IL17RD: variants seen among roughly 807,000 people sequenced by gnomAD.
IL17RD encodes the protein interleukin-17 receptor D.
IL17RD carries 52 observed loss-of-function variants against 80.5 expected under a neutral mutation model. The ratio of observed to expected loss-of-function variants is 0.65; its 90% CI spans 0.52 to 0.81. The LOEUF (loss-of-function observed/expected upper bound fraction) is 0.81. IL17RD is among the 40% of genes least tolerant of loss of function. IL17RD has a pLI of 0.00. For missense variants in IL17RD, 1,024 were observed against 955.1 expected (o/e 1.07, Z -0.95); for synonymous variants, 416 against 391.8 (o/e 1.06, Z -0.73).
chr3:57,144,493 T>C (rs1405110894), intron 1 of IL17RD, among the ~76,000 whole-genome samples: 3 of 152,206 alleles, frequency 2.0e-5, no homozygotes, highest in Non-Finnish European at 4.4e-5. Context: ...CTTATCTCTG[T>C]TTTTATCTTC....
chr3:57,101,044 C>A, intron 11 of IL17RD, 135 bp downstream of exon 11: 1 of 634,536 alleles, frequency 1.6e-6, no homozygotes. Flanking sequence ...GAGACTATCC[C>A]CAGTTTGAAA....
rs146836402 is a variant in IL17RD at position 57,140,785 on chromosome 3, G to T, written c.127-20472C>A. 2.6e-5 allele frequency among the ~76,000 whole-genome samples: 4 copies of T among 152,214 alleles called. No homozygotes were observed. The East Asian group carries it at 7.7e-4, about 29-fold the overall frequency. ...AATTTATTTCCAGACACCCAGAACA[G>T]GTCTAGGGAAAGTAATATTCTAGGA... On this transcript the variant is annotated intron_variant, in intron 1 of 12. Coordinates refer to ENST00000296318, the MANE Select transcript of IL17RD (RefSeq NM_017563.5).
chr3:57,101,580 T>C (rs976631320), intron 10 of IL17RD, among the ~76,000 whole-genome samples: 6 of 152,200 alleles, frequency 3.9e-5, no homozygotes, highest in African/African-American at 1.4e-4. Flanking sequence ...TTACCTGAAA[T>C]TGATCTTGGA....
chr3:57,165,295 G>C lies in IL17RD; in HGVS notation c.-9C>G. On this transcript the variant is annotated 5_prime_UTR_variant, in exon 1 of 13. Transcript: ENST00000296318. ...TGCAGCCACGGGGCCATGGCCGTGCGCTCGCCCAGCCAGGCCGTTCTCTGC... is the reference window on the plus strand; with the variant it reads ...TGCAGCCACGGGGCCATGGCCGTGCCCTCGCCCAGCCAGGCCGTTCTCTGC... 2 of 1,449,168 alleles carry C rather than the reference G, an allele frequency of 1.4e-6. No homozygotes were observed. Among genetic ancestry groups the C allele is most frequent in the South Asian group, 1.4e-5 (1 of 72,426 alleles). The allele number at this position is 1,449,168 out of a possible 1,614,324, so 89.8% of individuals were successfully genotyped here.
intron 1 of IL17RD, among the ~76,000 whole-genome samples, chr3:57,164,571 G>A (rs147551104): frequency 6.6e-6 from 1 of 152,354 alleles, no homozygotes; most frequent in East Asian, 1.9e-4. Flanking sequence ...GCTGAACCGG[G>A]AGGCGAAGTT....
At chr3:57,108,208 T>C (rs902454527) in intron 5 of IL17RD, among the ~76,000 whole-genome samples, 1 of 151,770 alleles carries the variant, frequency 6.6e-6, no homozygotes, top group Admixed American at 6.6e-5. Context: ...TACAGGCACA[T>C]GCCACCACAC....
chr3:57,135,505 T>C (rs1458005627), intron 1 of IL17RD, among the ~76,000 whole-genome samples: 4 of 152,190 alleles, frequency 2.6e-5, no homozygotes, highest in African/African-American at 9.6e-5. Context: ...TAAAATTAAG[T>C]ACAAAGAAGA....
chr3:57,108,967 G>T (rs1198093131), intron 5 of IL17RD, among the ~76,000 whole-genome samples: 1 of 151,552 alleles, frequency 6.6e-6, no homozygotes, highest in Admixed American at 6.6e-5. Flanking sequence ...TCTTAGCGGT[G>T]GTCACAGCAC....
chr3:57,152,217 G>A (rs1235513886), intron 1 of IL17RD, among the ~76,000 whole-genome samples: 1 of 152,006 alleles, frequency 6.6e-6, no homozygotes, highest in Non-Finnish European at 1.5e-5. Context: ...ACCCTCACCC[G>A]ACCTTTGTGT....
In IL17RD at chr3:57,134,260, A is replaced by G. The variant is rs1441223377; in HGVS notation, c.127-13947T>C. The stretch of plus-strand genomic sequence containing the variant: ...AATGCCAACTTCCATCAGCAGATCC[A>G]GAAGCTGATCAAAGATGGGCTGATC... On this transcript the variant is annotated intron_variant, in intron 1 of 12. Coordinates refer to ENST00000296318, the MANE Select transcript of IL17RD (RefSeq NM_017563.5). 3 of 685,686 alleles carry G rather than the reference A, an allele frequency of 4.4e-6. No individual in the cohort carries two copies. The Admixed American group carries it at 5.4e-5, about 12-fold the overall frequency. The allele number at this position is 685,686 out of a possible 1,614,324, so 42.5% of individuals were successfully genotyped here.
intron 1 of IL17RD, among the ~76,000 whole-genome samples, chr3:57,142,214 A>G (rs1707841842): frequency 6.6e-6 from 1 of 152,224 alleles, no homozygotes; most frequent in African/African-American, 2.4e-5. Context: ...TTATTAAACT[A>G]TGCAAGCACA....
intron 1 of IL17RD, among the ~76,000 whole-genome samples, chr3:57,135,829 T>C (rs1707713287): frequency 6.6e-6 from 1 of 152,192 alleles, no homozygotes; most frequent in Admixed American, 6.5e-5. Flanking sequence ...GGAAGTAGTA[T>C]AGCAGGCCCC....
chr3:57,096,001 AAATC>A lies in IL17RD; in HGVS notation c.*388_*391del, dbSNP rs2107458538. Reference sequence around the variant, plus strand: ...AGTGCCTTTTTTCACAAAGCATTTCAAATCAAGGTAGCCAATAGCAAACAGGCAA... The same window carrying A: ...AGTGCCTTTTTTCACAAAGCATTTCAAAGGTAGCCAATAGCAAACAGGCAA... On this transcript the variant is annotated 3_prime_UTR_variant, in exon 13 of 13. Coordinates refer to ENST00000296318, the MANE Select transcript of IL17RD (RefSeq NM_017563.5). The A allele has an allele frequency of 5.8e-6, 1 of 171,034 alleles. No individual in the cohort carries two copies. Among genetic ancestry groups the A allele is most frequent in the East Asian group, 1.6e-4 (1 of 6,428 alleles). 10.6% of individuals were successfully genotyped at this position (171,034 alleles called of 1,614,324 possible).
At chr3:57,142,938 C>T (rs1274045979) in intron 1 of IL17RD, among the ~76,000 whole-genome samples, 1 of 152,108 alleles carries the variant, frequency 6.6e-6, no homozygotes, top group Non-Finnish European at 1.5e-5. Flanking sequence ...TTTAAATAAT[C>T]TGTTATAAAG....
chr3:57,146,989 ATT>A (rs1244457109), intron 1 of IL17RD, among the ~76,000 whole-genome samples: 7,914 of 126,442 alleles, frequency 0.063, 690 homozygotes, highest in African/African-American at 0.22. Context: ...TGCCCGGCTA[ATT>A]TTTTTTTTTT....
upstream of IL17RD, among the ~76,000 whole-genome samples, chr3:57,169,704 A>G (rs1416480522): frequency 6.6e-6 from 1 of 152,222 alleles, no homozygotes; most frequent in East Asian, 1.9e-4. Context: ...CTGTATTAAT[A>G]AAGACATTAA....
chr3:57,106,926 C>G (rs1013979169), intron 5 of IL17RD, among the ~76,000 whole-genome samples: 1 of 152,182 alleles, frequency 6.6e-6, no homozygotes, highest in African/African-American at 2.4e-5. Flanking sequence ...TACATTGATT[C>G]TATGCCAACG....
chr3:57,119,269 A>G (rs1016053604), intron 2 of IL17RD, among the ~76,000 whole-genome samples: 1 of 151,704 alleles, frequency 6.6e-6, no homozygotes, highest in Non-Finnish European at 1.5e-5. Flanking sequence ...GGAGAATGGC[A>G]CGGACCCGGG....
rs940391489 is a variant in IL17RD, at chr3:57,134,717, G to A, written c.127-14404C>T. 6 of 666,490 alleles carry A rather than the reference G, an allele frequency of 9.0e-6. No homozygotes were observed. In the East Asian group the frequency reaches 1.2e-4, roughly 13 times the overall value. 41.3% of individuals were successfully genotyped at this position (666,490 alleles called of 1,614,324 possible). ...CTTTGTCTAAGGAGGAAGAGACCGAGAAGTGAAAGCTCCCCCTTTGTCTGT... is the reference window on the plus strand; with the variant it reads ...CTTTGTCTAAGGAGGAAGAGACCGAAAAGTGAAAGCTCCCCCTTTGTCTGT... On this transcript the variant is annotated intron_variant, in intron 1 of 12. Transcript: ENST00000296318.
Sources: gnomAD v4.1 joint callset for allele counts (sites outside exome capture counted in the v4.1 genomes callset) on GRCh38, gnomAD v4.1.1 for gene constraint, MANE v1.5 for transcripts, NCBI Gene and HGNC (gene_info 2026-07-23, HGNC 2026-07-21) for gene names.